ZNF567: variants seen among roughly 807,000 people sequenced by gnomAD.
ZNF567 encodes zinc finger protein 567.
A neutral mutation model predicts 53.9 loss-of-function variants in ZNF567; 36 were observed. The ratio of observed to expected loss-of-function variants is 0.67; its 90% CI spans 0.51 to 0.88. The LOEUF is 0.88. ZNF567 is among the 40% of genes least tolerant of loss of function. The pLI, the probability that ZNF567 is intolerant of heterozygous loss-of-function variation, is 0.00. For missense variants in ZNF567, 619 were observed against 764.7 expected (o/e 0.81, Z 2.25); for synonymous variants, 224 against 260.4 (o/e 0.86, Z 1.35).
intron 2 of ZNF567, among the ~76,000 whole-genome samples, chr19:36,692,719 T>C (rs2038681944): frequency 6.6e-6 from 1 of 152,188 alleles, no homozygotes; most frequent in Non-Finnish European, 1.5e-5. Context: ...TTATGGAAGA[T>C]GTGACCATTG....
At chr19:36,723,770 G>A (rs1228657810), downstream of ZNF567, among the ~76,000 whole-genome samples, 1 of 152,096 alleles carries the variant, frequency 6.6e-6, no homozygotes, top group African/African-American at 2.4e-5. Flanking sequence ...GTAGGTGGAG[G>A]TTGCAGTGAG....
chr19:36,723,106 A>G, downstream of ZNF567: 1 of 697,898 alleles, frequency 1.4e-6, no homozygotes, highest in South Asian at 1.5e-5. Flanking sequence ...TAGGGGAGTT[A>G]TATACTAGTA....
downstream of ZNF567, among the ~76,000 whole-genome samples, chr19:36,722,210 A>C (rs2040311018): frequency 6.6e-6 from 1 of 152,216 alleles, no homozygotes; most frequent in Non-Finnish European, 1.5e-5. Flanking sequence ...CTTGAACAGC[A>C]TTATTGCAGG....
chr19:36,676,191 G>A, the ZNF567 span, among the ~76,000 whole-genome samples: 3 of 146,092 alleles, frequency 2.1e-5, no homozygotes, highest in South Asian at 2.2e-4. Flanking sequence ...TCAGCCTCCC[G>A]AGTAGCTGGG....
rs59984347 is a variant in ZNF567, at chr19:36,689,236, AGTGTGTGTGT to A, written c.-167-132_-167-123del. On this transcript the variant is annotated intron_variant, in intron 1 of 5. Transcript: ENST00000682579. ...GCCACTCTCAAAATTCCTATTTGAGAGTGTGTGTGTGTGTGTGTGTGTGTGTGTGTGTGTG... is the reference window on the plus strand; with the variant it reads ...GCCACTCTCAAAATTCCTATTTGAGAGTGTGTGTGTGTGTGTGTGTGTGTG... Among the ~76,000 whole-genome samples, 215 of 138,962 alleles carry A rather than the reference AGTGTGTGTGT, an allele frequency of 1.5e-3. 1 individual carries two copies. Among genetic ancestry groups the A allele is most frequent in the Admixed American group, 2.8e-3 (40 of 14,090 alleles). The allele number at this position is 138,962 out of a possible 152,430, so 91.2% of individuals were successfully genotyped here. A position where few individuals can be genotyped will look rare whatever the true frequency, so the allele number is the denominator to read the frequency against.
the ZNF567 span, among the ~76,000 whole-genome samples, chr19:36,679,339 TACAA>T: frequency 5.9e-5 from 9 of 152,276 alleles, no homozygotes; most frequent in East Asian, 1.4e-3. Flanking sequence ...CACCTGCTAT[TACAA>T]ACAAAGATGA....
intron 2 of ZNF567, among the ~76,000 whole-genome samples, chr19:36,692,614 G>A (rs1027775240): frequency 7.9e-5 from 12 of 152,014 alleles, no homozygotes; most frequent in Admixed American, 5.2e-4. Context: ...AAGCTCATGC[G>A]ATCTTACTGC....
downstream of ZNF567, among the ~76,000 whole-genome samples, chr19:36,724,554 T>C (rs1177125693): frequency 1.3e-5 from 2 of 151,700 alleles, no homozygotes; most frequent in East Asian, 4.0e-4. Context: ...TGGTGGCGTG[T>C]GCCTGTAATC....
intron 3 of ZNF567, among the ~76,000 whole-genome samples, chr19:36,703,003 G>C (rs921234830): frequency 6.8e-6 from 1 of 146,736 alleles, no homozygotes; most frequent in African/African-American, 2.5e-5. Context: ...GAGGTGCTCT[G>C]CTTTTTAGAG....
chr19:36,715,727 C>T (rs971586588), intron 5 of ZNF567, among the ~76,000 whole-genome samples: 2 of 151,478 alleles, frequency 1.3e-5, no homozygotes, highest in Admixed American at 6.6e-5. Flanking sequence ...TGGGGCTTCT[C>T]CATGTTGGTC....
chr19:36,713,052 T>A (rs2039870084), intron 5 of ZNF567, among the ~76,000 whole-genome samples, 185 bp downstream of exon 5: 1 of 152,142 alleles, frequency 6.6e-6, no homozygotes, highest in African/African-American at 2.4e-5. Flanking sequence ...CTCATGCCTA[T>A]AATCTGACAC....
intron 2 of ZNF567, among the ~76,000 whole-genome samples, chr19:36,690,172 T>C (rs2038522914): frequency 2.0e-5 from 3 of 152,072 alleles, no homozygotes; most frequent in Admixed American, 6.6e-5. Flanking sequence ...AACAAATAAA[T>C]AGGGGGTGTG....
intron 3 of ZNF567, among the ~76,000 whole-genome samples, chr19:36,702,163 G>T (rs878873354): frequency 1.3e-5 from 2 of 151,930 alleles, no homozygotes; most frequent in Non-Finnish European, 2.9e-5. Context: ...GTAAAGTATT[G>T]TATTTCTCCT....
chr19:36,720,423 G>C lies in ZNF567; in HGVS notation c.1699G>C (p.Gly567Arg), dbSNP rs771526333. 6 of 1,613,874 alleles carry C rather than the reference G, an allele frequency of 3.7e-6. No homozygotes were observed. In the Admixed American group the frequency reaches 1.0e-4, roughly 27 times the overall value. The change falls in exon 6 of 6, where the codon GGG (glycine) becomes CGG (arginine). Residue 567 changes from glycine (G) to arginine (R), a missense_variant. Coordinates refer to ENST00000682579, the MANE Select transcript of ZNF567 (RefSeq NM_001322917.1). ...GAAATCCTATGAATGTCCTCAGTGT[G>C]GGAAAGCCTTTAGCAGGAAGTCATA... ...GQKSYECPQC[G>R]KAFSRKSYLI...
At chr19:36,673,900 G>A in the ZNF567 span, among the ~76,000 whole-genome samples, 4 of 152,184 alleles carry the variant, frequency 2.6e-5, no homozygotes, top group African/African-American at 9.6e-5. Context: ...GTTCCTAAGA[G>A]AAGGAACTGG....
intron 5 of ZNF567, among the ~76,000 whole-genome samples, chr19:36,717,450 G>GGT (rs1355946982): frequency 6.6e-6 from 1 of 152,064 alleles, no homozygotes; most frequent in Non-Finnish European, 1.5e-5. Context: ...GAATAAGTAA[G>GGT]GTATATATAG....
the ZNF567 span, among the ~76,000 whole-genome samples, chr19:36,671,752 G>A: frequency 0.02 from 2,986 of 152,282 alleles, 41 homozygotes; most frequent in Middle Eastern, 0.031. Context: ...CCTTAGTAGA[G>A]ACTGAACATT....
the ZNF567 span, among the ~76,000 whole-genome samples, chr19:36,682,539 T>C: frequency 3.3e-5 from 5 of 150,788 alleles, no homozygotes; most frequent in East Asian, 1.9e-4. Flanking sequence ...TTCTGGGATG[T>C]TGGAAAGTTT....
At chr19:36,703,047 TTTGTGG>T (rs1373009140) in intron 3 of ZNF567, among the ~76,000 whole-genome samples, 1 of 152,172 alleles carries the variant, frequency 6.6e-6, no homozygotes, top group Admixed American at 6.5e-5. Context: ...TTTCCCCATC[TTTGTGG>T]TTTTATCTAC....
Sources: allele counts gnomAD v4.1 joint callset (sites outside exome capture counted in the v4.1 genomes callset), GRCh38; gene constraint gnomAD v4.1.1; transcripts MANE v1.5; gene names NCBI Gene and HGNC (gene_info 2026-07-23, HGNC 2026-07-21).